PTDSS1: variants seen among roughly 807,000 people sequenced by gnomAD.
The protein encoded by PTDSS1 is PSS-1.
In PTDSS1, 45 loss-of-function variants were observed where a neutral mutation model predicts 70.5. The ratio of observed to expected loss-of-function variants is 0.64; its 90% CI spans 0.50 to 0.82. The LOEUF (loss-of-function observed/expected upper bound fraction) is 0.82. PTDSS1 is among the 40% of genes least tolerant of loss of function. The pLI is 0.00. For missense variants in PTDSS1, 417 were observed against 586.1 expected (o/e 0.71, Z 2.98); for synonymous variants, 188 against 203.8 (o/e 0.92, Z 0.66).
rs116014990 is a variant in PTDSS1, at chr8:96,264,197, G to A, written c.179+1978G>A. Among the ~76,000 whole-genome samples the A allele has an allele frequency of 9.0e-3, 1,374 of 152,218 alleles. 18 individuals are homozygous for A. The highest frequency in any genetic ancestry group is 0.031 in the African/African-American group (1,284 of 41,524). ...TGATTTTATCACTTAATAGCTGTGT[G>A]GCCACATAATTTTGCTAGGCCTCAG... On this transcript the variant is annotated intron_variant, in intron 1 of 12. Transcript: ENST00000517309.
At chr8:96,306,939 T>C (rs1489024264) in intron 8 of PTDSS1, among the ~76,000 whole-genome samples, 1 of 152,200 alleles carries the variant, frequency 6.6e-6, no homozygotes, top group Non-Finnish European at 1.5e-5. Flanking sequence ...ACTGAAGTCA[T>C]AAATGACATT....
intron 1 of PTDSS1, among the ~76,000 whole-genome samples, chr8:96,269,378 A>T (rs998097287): frequency 3.9e-5 from 6 of 152,218 alleles, no homozygotes; most frequent in African/African-American, 1.2e-4. Context: ...AGTTCTTTGG[A>T]GTGTTCAGGG....
chr8:96,265,645 C>A (rs1346848844), intron 1 of PTDSS1, among the ~76,000 whole-genome samples: 1 of 152,192 alleles, frequency 6.6e-6, no homozygotes, highest in Non-Finnish European at 1.5e-5. Flanking sequence ...TGGTGGCATG[C>A]ACCTGGAGGC....
At chr8:96,267,904 AC>A in intron 1 of PTDSS1, among the ~76,000 whole-genome samples, 1 of 152,100 alleles carries the variant, frequency 6.6e-6, no homozygotes, top group Non-Finnish European at 1.5e-5. Flanking sequence ...CACACATGAC[AC>A]CACCCTTGGC....
At chr8:96,304,384 A>G (rs1811095370) in intron 7 of PTDSS1, among the ~76,000 whole-genome samples, 1 of 152,220 alleles carries the variant, frequency 6.6e-6, no homozygotes, top group African/African-American at 2.4e-5. Context: ...AGACAGTTTT[A>G]AAATATGGAT....
chr8:96,312,287 C>T (rs112857344), intron 9 of PTDSS1, among the ~76,000 whole-genome samples: 262 of 152,172 alleles, frequency 1.7e-3, no homozygotes, highest in African/African-American at 6.0e-3. Context: ...GTTGTCTCCA[C>T]AAAAAGTTTT....
rs564295688 is a variant in PTDSS1 at position 96,296,058 on chromosome 8, TG to T, written c.600+805del. On this transcript the variant is annotated intron_variant, in intron 5 of 12. Coordinates refer to ENST00000517309, the MANE Select transcript of PTDSS1 (RefSeq NM_014754.3). ...GTGGTTTGCTGGCAGTCGTGGTCCC[TG>T]GGCTTGTTGATGCATGACCCCTTCC... Among the ~76,000 whole-genome samples the T allele has an allele frequency of 5.3e-4, 80 of 151,094 alleles. 1 individual carries two copies. Among genetic ancestry groups the T allele is most frequent in the Admixed American group, 7.3e-4 (11 of 15,106 alleles).
At chr8:96,294,959 T>C in intron 4 of PTDSS1, 139 bp from the exon 5 acceptor site, 1 of 784,506 alleles carries the variant, frequency 1.3e-6, no homozygotes. Flanking sequence ...CCTTAAGTTA[T>C]TAAAACTTTC....
chr8:96,322,323 T>C (rs1356786043), intron 10 of PTDSS1, among the ~76,000 whole-genome samples: 4 of 152,122 alleles, frequency 2.6e-5, no homozygotes, highest in Non-Finnish European at 5.9e-5. Context: ...AGTACTTTAT[T>C]TGGCTCACGG....
At chr8:96,296,802 G>A (rs1263156930) in intron 5 of PTDSS1, among the ~76,000 whole-genome samples, 8 of 152,170 alleles carry the variant, frequency 5.3e-5, no homozygotes, top group African/African-American at 1.4e-4. Context: ...TGAAGCCCAC[G>A]TTCCTGCCCT....
intron 8 of PTDSS1, among the ~76,000 whole-genome samples, chr8:96,307,437 A>G (rs1177872124): frequency 7.9e-6 from 1 of 126,952 alleles, no homozygotes; most frequent in Non-Finnish European, 1.6e-5. Flanking sequence ...TCTTGTCATC[A>G]TTCAATATTA....
In PTDSS1 at chr8:96,299,795, G is replaced by T. The variant is rs1180114934; in HGVS notation, c.702G>T (p.Met234Ile). The change falls in exon 6 of 13, where the codon ATG (methionine) becomes ATT (isoleucine). Residue 234 changes from methionine (M) to isoleucine (I), a missense_variant. Physicochemically the swap from Met to Ile is conservative, Grantham distance 10. This residue lies in a region of PTDSS1 where 272 missense variants were observed against 429.5 expected (regional missense o/e 0.63). Coordinates refer to ENST00000517309, the MANE Select transcript of PTDSS1 (RefSeq NM_014754.3). ...LCNGGGIWLG[M>I]VVCRFLEMRT... ...ATGGCGGTGGCATTTGGCTGGGCAT[G>T]GTCGTTTGCCGGTTTTTAGAGATGA... 2 of 1,613,962 alleles carry T rather than the reference G, an allele frequency of 1.2e-6. No homozygotes were observed. The highest frequency in any genetic ancestry group is 1.7e-6 in the Non-Finnish European group (2 of 1,180,014).
chr8:96,276,475 G>A (rs1810642933), intron 2 of PTDSS1, among the ~76,000 whole-genome samples: 1 of 152,132 alleles, frequency 6.6e-6, no homozygotes, highest in African/African-American at 2.4e-5. Context: ...TGGCTGCATG[G>A]ACTTTGTGAT....
In PTDSS1 at chr8:96,281,836, C is replaced by A. The variant is rs1190265972; in HGVS notation, c.272-2273C>A. Among the ~76,000 whole-genome samples, 7 of 152,256 alleles carry A rather than the reference C, an allele frequency of 4.6e-5. 1 individual carries two copies. The East Asian group carries it at 1.4e-3, about 29-fold the overall frequency. ...AAGGAGGACTCCATGAGCTGCATGACCCCGGGCAGGTTCCTCTGCCTCAGT... is the reference window on the plus strand; with the variant it reads ...AAGGAGGACTCCATGAGCTGCATGAACCCGGGCAGGTTCCTCTGCCTCAGT... On this transcript the variant is annotated intron_variant, in intron 2 of 12. Coordinates refer to ENST00000517309, the MANE Select transcript of PTDSS1 (RefSeq NM_014754.3).
chr8:96,304,181 G>T lies in PTDSS1; in HGVS notation c.894G>T (p.Gln298His). ...AGVYLFMIIWQLTELNTFFLK... is the reference protein window; with the variant it reads ...AGVYLFMIIWHLTELNTFFLK... ...TGTACCTTTTCATGATCATCTGGCA[G>T]GTATTTTTTCAGATGCCCAGAAGTT... The change falls in exon 7 of 13, where the codon CAG (glutamine) becomes CAT (histidine). Residue 298 changes from glutamine (Q) to histidine (H), a missense_variant and splice_region_variant. Physicochemically the swap from Gln to His is conservative, Grantham distance 24. This residue lies in a region of PTDSS1 where 272 missense variants were observed against 429.5 expected (regional missense o/e 0.63). Coordinates refer to ENST00000517309, the MANE Select transcript of PTDSS1 (RefSeq NM_014754.3). 2 of 1,595,312 alleles carry T rather than the reference G, an allele frequency of 1.3e-6. No homozygotes were observed. Among genetic ancestry groups the T allele is most frequent in the Non-Finnish European group, 1.7e-6 (2 of 1,174,972 alleles).
At position 96,335,269 on chromosome 8, in the gene PTDSS1, A is replaced by T. The variant is rs1811578907; in HGVS notation, c.*1703A>T. The T allele has an allele frequency of 6.6e-6, 1 of 152,258 alleles. No individual in the cohort carries two copies. Among genetic ancestry groups the T allele is most frequent in the South Asian group, 2.1e-4 (1 of 4,838 alleles). The allele number at this position is 152,258 out of a possible 1,614,324, so 9.4% of individuals were successfully genotyped here. Reference sequence around the variant, plus strand: ...CCCATCAAAGAGGCCATTTTTAAACACAGGTACAATTTAAACATGATCTTT... The same window carrying T: ...CCCATCAAAGAGGCCATTTTTAAACTCAGGTACAATTTAAACATGATCTTT... On this transcript the variant is annotated 3_prime_UTR_variant, in exon 13 of 13. Transcript: ENST00000517309.
chr8:96,330,155 C>G (rs1029985208), intron 10 of PTDSS1, 58 bp from the exon 11 acceptor site: 22 of 1,488,828 alleles, frequency 1.5e-5, no homozygotes, highest in Non-Finnish European at 2.1e-5. Flanking sequence ...CCACTGAAAC[C>G]CTGAAGTTCT....
At chr8:96,298,604 C>T (rs1811008246) in intron 5 of PTDSS1, among the ~76,000 whole-genome samples, 1 of 152,264 alleles carries the variant, frequency 6.6e-6, no homozygotes, top group Admixed American at 6.5e-5. Context: ...TTGTCCTTAA[C>T]GTTCCCCCTC....
intron 9 of PTDSS1, among the ~76,000 whole-genome samples, chr8:96,320,028 C>T (rs11782748): frequency 1.3e-5 from 2 of 152,118 alleles, no homozygotes; most frequent in Non-Finnish European, 2.9e-5. Flanking sequence ...GTCACAATTT[C>T]GGTCTGGGAA....
Sources: gnomAD v4.1 joint callset for allele counts (sites outside exome capture counted in the v4.1 genomes callset) on GRCh38, gnomAD v4.1.1 for gene constraint, gnomAD v4.1.1 regional missense constraint, MANE v1.5 for transcripts, NCBI Gene and HGNC (gene_info 2026-07-23, HGNC 2026-07-21) for gene names.